Variants in DHX16 observed in about 807,000 individuals in gnomAD.
DHX16 encodes the protein DEAH-box helicase 16.
Under a neutral mutation model 131.2 loss-of-function variants are expected in DHX16, and 81 were observed. That is an observed-to-expected ratio of 0.62 (90% CI 0.52 to 0.74). DHX16 has a LOEUF of 0.74. DHX16 is among the 30% of genes least tolerant of loss of function. The pLI, the probability that DHX16 is intolerant of heterozygous loss-of-function variation, is 0.00. For synonymous variants in DHX16, 440 were observed against 520.2 expected (o/e 0.85, Z 2.10); for missense variants, 980 against 1,363.1 (o/e 0.72, Z 4.43).
In DHX16 at chr6:30,657,198, G is replaced by A. The variant is rs1282164054; in HGVS notation, c.2008-106C>T. ...AGTGAAGCAGTTGCAGTAAGGGGCAGGAGCTGAGGGAATTAGTAGTATCCA... is the reference window on the plus strand; with the variant it reads ...AGTGAAGCAGTTGCAGTAAGGGGCAAGAGCTGAGGGAATTAGTAGTATCCA... On this transcript the variant is annotated intron_variant, in intron 12 of 19. Transcript: ENST00000376442. 32 of 1,162,736 alleles carry A rather than the reference G, an allele frequency of 2.8e-5. 1 individual carries two copies. Among genetic ancestry groups the A allele is most frequent in the African/African-American group, 3.1e-5 (2 of 64,808 alleles). 72.0% of individuals were successfully genotyped at this position (1,162,736 alleles called of 1,614,324 possible). A position where few individuals can be genotyped will look rare whatever the true frequency, so the allele number is the denominator to read the frequency against.
chr6:30,663,129 G>A lies in DHX16; in HGVS notation c.1318-108C>T, dbSNP rs958116173. 99 of 889,202 alleles carry A rather than the reference G, an allele frequency of 1.1e-4. No homozygotes were observed. In the African/African-American group the frequency reaches 1.6e-3, roughly 14 times the overall value. 55.1% of individuals were successfully genotyped at this position (889,202 alleles called of 1,614,324 possible). A position where few individuals can be genotyped will look rare whatever the true frequency, so the allele number is the denominator to read the frequency against. Reference sequence around the variant, plus strand: ...GTAAAAACCAGGCAGGAGAAAAGGAGGAAAAGACAGATGCTGAAAACCAGA... The same window carrying A: ...GTAAAAACCAGGCAGGAGAAAAGGAAGAAAAGACAGATGCTGAAAACCAGA... On this transcript the variant is annotated intron_variant, in intron 7 of 19. Transcript: ENST00000376442.
At chr6:30,654,940 T>G (rs540986785) in intron 18 of DHX16, 61 bp from the exon 19 acceptor site, 19 of 1,533,042 alleles carry the variant, frequency 1.2e-5, no homozygotes, top group African/African-American at 1.4e-5. Context: ...ACCCTAAGAA[T>G]GCACTACCTT....
Position 30,656,278 on chromosome 6 carries a change from G to C in DHX16, c.2431-13C>G. 1.2e-6 allele frequency: 2 copies of C among 1,613,964 alleles called. No homozygotes were observed. The highest frequency in any genetic ancestry group is 1.7e-6 in the Non-Finnish European group (2 of 1,179,982). Reference sequence around the variant, plus strand: ...TCTTTCGACCAGACTAAGGAGAAGAGAGAGAGAGTTGAGCCCAGTCCTCCC... The same window carrying C: ...TCTTTCGACCAGACTAAGGAGAAGACAGAGAGAGTTGAGCCCAGTCCTCCC... On this transcript the variant is annotated splice_polypyrimidine_tract_variant and intron_variant, in intron 15 of 19. Coordinates refer to ENST00000376442, the MANE Select transcript of DHX16 (RefSeq NM_003587.5). This position sits in a 1 kb window ranked among gnomAD's most constrained non-coding sequence, Gnocchi z 5.1.
rs572330004 is a variant in DHX16 at position 30,654,742 on chromosome 6, G to A, written c.2961C>T (p.His987=). ...FEQQPRWLLY[H]ELVLTTKEFM... Reference sequence around the variant, plus strand: ...ACTCTTTGGTGGTCAAGACAAGTTCGTGGTAGAGCAGCCAGCGTGGCTGTT... The same window carrying A: ...ACTCTTTGGTGGTCAAGACAAGTTCATGGTAGAGCAGCCAGCGTGGCTGTT... The change falls in exon 19 of 20, where the codon CAC becomes CAT. Residue 987 remains histidine (H), a synonymous_variant. Coordinates refer to ENST00000376442, the MANE Select transcript of DHX16 (RefSeq NM_003587.5). 57 of 1,612,974 alleles carry A rather than the reference G, an allele frequency of 3.5e-5. 1 individual carries two copies. In the South Asian group the frequency reaches 4.9e-4, roughly 14 times the overall value.
chr6:30,672,600 C>A lies in DHX16; in HGVS notation c.207+35G>T, dbSNP rs557112852. ...GACCGTTAGGCCAGCCTCACCGGGACAAATCACAGGGCCCCTCCCCACCCC... is the reference window on the plus strand; with the variant it reads ...GACCGTTAGGCCAGCCTCACCGGGAAAAATCACAGGGCCCCTCCCCACCCC... On this transcript the variant is annotated intron_variant, in intron 1 of 19. Coordinates refer to ENST00000376442, the MANE Select transcript of DHX16 (RefSeq NM_003587.5). 43 of 1,574,772 alleles carry A rather than the reference C, an allele frequency of 2.7e-5. No individual in the cohort carries two copies. In the South Asian group the frequency reaches 4.8e-4, roughly 18 times the overall value.
At position 30,653,510 on chromosome 6, in the gene DHX16, C is replaced by T. The variant is rs1030282790; in HGVS notation, c.2998-140G>A. ...TGCAGTGGCGTATCATGGCTCAAAG[C>T]AGTCCTACTGCCTCAGCCTCCCAAG... On this transcript the variant is annotated intron_variant, in intron 19 of 19. Transcript: ENST00000376442. The T allele has an allele frequency of 2.1e-5, 19 of 914,116 alleles. No individual in the cohort carries two copies. In the South Asian group the frequency reaches 3.0e-4, roughly 15 times the overall value. 56.6% of individuals were successfully genotyped at this position (914,116 alleles called of 1,614,324 possible). A position where few individuals can be genotyped will look rare whatever the true frequency, so the allele number is the denominator to read the frequency against.
chr6:30,668,832 G>A (rs1371395768), intron 4 of DHX16, among the ~76,000 whole-genome samples: 1 of 152,092 alleles, frequency 6.6e-6, no homozygotes, highest in African/African-American at 2.4e-5. Flanking sequence ...GGCCGGGCAC[G>A]TGGTGACTCA....
chr6:30,664,580 C>T (rs1411455303), intron 7 of DHX16, among the ~76,000 whole-genome samples: 1 of 152,070 alleles, frequency 6.6e-6, no homozygotes, highest in East Asian at 1.9e-4. Flanking sequence ...TTATACACGC[C>T]CCACTCCACC....
chr6:30,659,564 T>G lies in DHX16; in HGVS notation c.1915A>C (p.Ile639Leu). 1 of 1,612,994 alleles carries G rather than the reference T, an allele frequency of 6.2e-7. No individual in the cohort carries two copies. ...ATGGGCAGCACCAGGAGCTCCCGGA[T>G]TTTGGAGCCCAGGCGGCGGCAGCGA... ...QDRCRRLGSKIRELLVLPIYA... is the reference protein window; with the variant it reads ...QDRCRRLGSKLRELLVLPIYA... The change falls in exon 12 of 20, where the codon ATC becomes CTC. Residue 639 changes from isoleucine (I) to leucine (L), a missense_variant. Coordinates refer to ENST00000376442, the MANE Select transcript of DHX16 (RefSeq NM_003587.5).
In DHX16 at chr6:30,670,543, C is replaced by A; in HGVS notation, c.610-77G>T. On this transcript the variant is annotated intron_variant, in intron 3 of 19. Coordinates refer to ENST00000376442, the MANE Select transcript of DHX16 (RefSeq NM_003587.5). The surrounding 1 kb of genome is among the most constrained non-coding windows in gnomAD (Gnocchi z 4.4). ...TGACAGCTGCTCCCCTCTAGAATCA[C>A]AAGGATCATTCAGATGCGCCCTAAC... The A allele has an allele frequency of 2.0e-6, 3 of 1,488,400 alleles. No homozygotes were observed. The highest frequency in any genetic ancestry group is 2.8e-6 in the Non-Finnish European group (3 of 1,084,082). 92.2% of individuals were successfully genotyped at this position (1,488,400 alleles called of 1,614,324 possible).
At chr6:30,658,754 G>C (rs1768208142) in intron 12 of DHX16, among the ~76,000 whole-genome samples, 1 of 151,984 alleles carries the variant, frequency 6.6e-6, no homozygotes, top group Admixed American at 6.6e-5. Context: ...TGTCATCAAA[G>C]GCCCTCCCTA....
intron 4 of DHX16, among the ~76,000 whole-genome samples, chr6:30,666,154 AG>A (rs1382106149): frequency 1.3e-5 from 2 of 152,200 alleles, no homozygotes; most frequent in Non-Finnish European, 2.9e-5. Context: ...GAAACCAGTG[AG>A]GGGGCCAACA....
At chr6:30,667,409 C>T (rs1272713330) in intron 4 of DHX16, among the ~76,000 whole-genome samples, 2 of 151,858 alleles carry the variant, frequency 1.3e-5, no homozygotes, top group Admixed American at 1.3e-4. Flanking sequence ...GGTGAGACCC[C>T]ATCTCTACTA....
chr6:30,657,112 G>T lies in DHX16; in HGVS notation c.2008-20C>A, dbSNP rs1249559808. 6.3e-7 allele frequency: 1 copy of T among 1,598,764 alleles called. No individual in the cohort carries two copies. Among genetic ancestry groups the T allele is most frequent in the East Asian group, 2.2e-5 (1 of 44,738 alleles). On this transcript the variant is annotated intron_variant, in intron 12 of 19. Coordinates refer to ENST00000376442, the MANE Select transcript of DHX16 (RefSeq NM_003587.5). ...AACCACCTGAGTGATAGGATATGGG[G>T]TCACCCAGTGACCCCACCTACCTAG...
chr6:30,654,575 T>TAA lies in DHX16; in HGVS notation c.2997+130_2997+131insTT. On this transcript the variant is annotated intron_variant, in intron 19 of 19. Transcript: ENST00000376442. ...AAAAAAAACAAAAAAAAACAAAGGA[T>TAA]GTCTTTCTATTTTACCCTACCTTCC... The TAA allele has an allele frequency of 3.3e-6, 3 of 898,694 alleles. 1 individual carries two copies. The highest frequency in any genetic ancestry group is 4.9e-6 in the Non-Finnish European group (3 of 617,024). 55.7% of individuals were successfully genotyped at this position (898,694 alleles called of 1,614,324 possible).
Position 30,653,269 on chromosome 6 carries a change from T to A in DHX16, c.3099A>T (p.Ile1033=), listed in dbSNP as rs776342899. The A allele has an allele frequency of 1.9e-6, 3 of 1,612,920 alleles. No homozygotes were observed. Among genetic ancestry groups the A allele is most frequent in the African/African-American group, 2.7e-5 (2 of 74,924 alleles). The change falls in exon 20 of 20, where the codon ATA becomes ATT. Residue 1033 remains isoleucine, a synonymous_variant. Transcript: ENST00000376442. ...DPHAKKMPKK[I]GKTREELG Reference sequence around the variant, plus strand: ...ACCCTAGCTCTTCTCGTGTTTTGCCTATTTTTTTGGGCATTTTCTTAGCAT... The same window carrying A: ...ACCCTAGCTCTTCTCGTGTTTTGCCAATTTTTTTGGGCATTTTCTTAGCAT...
At chr6:30,659,251 T>C (rs1768253550) in intron 12 of DHX16, among the ~76,000 whole-genome samples, 1 of 152,212 alleles carries the variant, frequency 6.6e-6, no homozygotes, top group Admixed American at 6.5e-5. Context: ...ACTTCCCTTC[T>C]CCACTGAATC....
chr6:30,670,901 C>T lies in DHX16; in HGVS notation c.498G>A (p.Arg166=). 1 of 1,613,098 alleles carries T rather than the reference C, an allele frequency of 6.2e-7. No individual in the cohort carries two copies. Among genetic ancestry groups the T allele is most frequent in the Non-Finnish European group, 8.5e-7 (1 of 1,180,040 alleles). The change falls in exon 3 of 20, where the codon CGG becomes CGA. Residue 166 remains arginine (R), a synonymous_variant. Coordinates refer to ENST00000376442, the MANE Select transcript of DHX16 (RefSeq NM_003587.5). The surrounding 1 kb of genome is among the most constrained non-coding windows in gnomAD (Gnocchi z 4.4). ...GGTCCTGAAGGCGTTCACGCTCTGT[C>T]CGTTCCCACTCATCTTCCGACTCTG... ...EKPESEDEWE[R]TERERLQDLE...
In DHX16 at chr6:30,665,251, C is replaced by A. The variant is rs928689725; in HGVS notation, c.945G>T (p.Val315=). 1 of 1,604,306 alleles carries A rather than the reference C, an allele frequency of 6.2e-7. No homozygotes were observed. Among genetic ancestry groups the A allele is most frequent in the East Asian group, 2.2e-5 (1 of 44,876 alleles). ...CCCCAGGGGCTCCTGATTCCTCCTC[C>A]ACTAGATCCACAGCTCGGGCTGGCT... ...RGQPARAVDL[V]EEESGAPGEE... Residue 315 remains valine (V), a synonymous_variant, in exon 6 of 20, where the codon GTG becomes GTT. Transcript: ENST00000376442. This position sits in a 1 kb window ranked among gnomAD's most constrained non-coding sequence, Gnocchi z 4.8.
Sources: gnomAD v4.1 joint callset for allele counts (sites outside exome capture counted in the v4.1 genomes callset) on GRCh38, gnomAD v4.1.1 for gene constraint, Gnocchi (gnomAD v3.1) non-coding constraint, MANE v1.5 for transcripts, NCBI Gene and HGNC (gene_info 2026-07-23, HGNC 2026-07-21) for gene names.